The following GRIP1 variants were observed in gnomAD, a reference collection of about 807,000 sequenced individuals.
GRIP1 encodes glutamate receptor interacting protein 1.
A neutral mutation model predicts 129.9 loss-of-function variants in GRIP1; 45 were observed. That is an observed-to-expected ratio of 0.35 (90% CI 0.27 to 0.44). The LOEUF (loss-of-function observed/expected upper bound fraction) is 0.44, where lower values mean the gene tolerates loss of function less well. Ranked by LOEUF, GRIP1 falls within the 20% of genes least tolerant of loss-of-function variation. The pLI is 1.00. For missense variants in GRIP1, 1,196 were observed against 1,396.8 expected (o/e 0.86, Z 2.29); for synonymous variants, 530 against 520.8 (o/e 1.02, Z -0.24).
At chr12:66,634,530 C>T (rs2031164266) in intron 1 of GRIP1, among the ~76,000 whole-genome samples, 3 of 152,090 alleles carry the variant, frequency 2.0e-5, no homozygotes, top group South Asian at 2.1e-4. Context: ...AATTACTCTT[C>T]CTGAGACACA....
chr12:66,460,021 A>T (rs949094668), intron 9 of GRIP1, among the ~76,000 whole-genome samples: 1 of 152,218 alleles, frequency 6.6e-6, no homozygotes, highest in African/African-American at 2.4e-5. Flanking sequence ...GGATTAGCTC[A>T]GACAATGTTC....
chr12:66,533,658 C>T (rs1401045617), intron 4 of GRIP1, among the ~76,000 whole-genome samples: 1 of 151,794 alleles, frequency 6.6e-6, no homozygotes, highest in African/African-American at 2.4e-5. Context: ...AACAAACAAA[C>T]AAAAATACAT....
At chr12:66,632,524 A>C (rs1017429993) in intron 1 of GRIP1, among the ~76,000 whole-genome samples, 2 of 152,130 alleles carry the variant, frequency 1.3e-5, no homozygotes, top group African/African-American at 4.8e-5. Flanking sequence ...CCAAAAAGGA[A>C]GGTTTCTTCC....
At chr12:66,927,042 G>A (rs887651656) in intron 1 of GRIP1, among the ~76,000 whole-genome samples, 8 of 152,106 alleles carry the variant, frequency 5.3e-5, no homozygotes, top group East Asian at 1.9e-4. Flanking sequence ...GGGCTTCTAC[G>A]ACATAGACAC....
intron 1 of GRIP1, among the ~76,000 whole-genome samples, chr12:66,650,097 G>A (rs764529010): frequency 2.3e-4 from 35 of 152,256 alleles, no homozygotes; most frequent in Admixed American, 9.2e-4. Flanking sequence ...AGCCAGCACC[G>A]TCTCCACTGG....
At chr12:66,938,829 T>C (rs1411666013) in intron 1 of GRIP1, among the ~76,000 whole-genome samples, 1 of 151,788 alleles carries the variant, frequency 6.6e-6, no homozygotes, top group South Asian at 2.1e-4. Context: ...TGGTGGTGCA[T>C]GCCTGTAGTC....
rs190735445 is a variant in GRIP1, at chr12:66,771,997, G to A, written c.-420+32056C>T. Reference sequence around the variant, plus strand: ...TAATAAATATGGTGATAATAAAGGCGATAACTAAATAGCCAAGACTTATGG... The same window carrying A: ...TAATAAATATGGTGATAATAAAGGCAATAACTAAATAGCCAAGACTTATGG... On this transcript the variant is annotated intron_variant, in intron 1 of 4. Coordinates refer to the GRIP1 transcript ENST00000538373. Among the ~76,000 whole-genome samples the A allele has an allele frequency of 9.8e-5, 15 of 152,310 alleles. No homozygotes were observed. In the East Asian group the frequency reaches 2.3e-3, roughly 24 times the overall value.
chr12:66,892,582 T>TTA (rs3051168), intron 1 of GRIP1, among the ~76,000 whole-genome samples: 49,652 of 150,764 alleles, frequency 0.33, 8,480 homozygotes, highest in East Asian at 0.41. Context: ...ATTTACTCAC[T>TTA]TATATATATA....
At chr12:66,671,634 G>C (rs1211219052) in intron 1 of GRIP1, among the ~76,000 whole-genome samples, 1 of 152,150 alleles carries the variant, frequency 6.6e-6, no homozygotes, top group East Asian at 1.9e-4. Flanking sequence ...TGTGAAAACT[G>C]TTCTCTCAAA....
chr12:66,640,448 C>A (rs2031818871), intron 1 of GRIP1, among the ~76,000 whole-genome samples: 1 of 152,076 alleles, frequency 6.6e-6, no homozygotes, highest in African/African-American at 2.4e-5. Flanking sequence ...CTCAAAACTA[C>A]AAATAGATTA....
chr12:66,611,817 G>C (rs1221935770), intron 1 of GRIP1, among the ~76,000 whole-genome samples: 1 of 151,966 alleles, frequency 6.6e-6, no homozygotes, highest in Non-Finnish European at 1.5e-5. Context: ...ATACAACAGA[G>C]TGCATATATG....
chr12:66,972,719 C>T (rs1205018483), intron 1 of GRIP1, among the ~76,000 whole-genome samples: 1 of 152,168 alleles, frequency 6.6e-6, no homozygotes, highest in Non-Finnish European at 1.5e-5. Flanking sequence ...GTGAAATGCT[C>T]TAACTATTGT....
chr12:67,036,404 T>C (rs2043096082), intron 1 of GRIP1, among the ~76,000 whole-genome samples: 1 of 151,970 alleles, frequency 6.6e-6, no homozygotes, highest in South Asian at 2.1e-4. Context: ...CTCGGCTCAC[T>C]GCAACCTCTG....
At chr12:67,020,989 T>C (rs1294267709) in intron 1 of GRIP1, among the ~76,000 whole-genome samples, 1 of 152,004 alleles carries the variant, frequency 6.6e-6, no homozygotes, top group East Asian at 2.0e-4. Flanking sequence ...TCCCAGATAC[T>C]CTGGGAGCTG....
intron 1 of GRIP1, among the ~76,000 whole-genome samples, chr12:67,068,542 CTTCT>C (rs1415371969): frequency 2.0e-5 from 3 of 152,096 alleles, no homozygotes; most frequent in Admixed American, 2.0e-4. Context: ...TCTCCTCTTC[CTTCT>C]TTATGAATCT....
chr12:66,803,324 G>T (rs1458504985), intron 1 of GRIP1, among the ~76,000 whole-genome samples: 2 of 152,176 alleles, frequency 1.3e-5, no homozygotes. Context: ...GTGCATAGCT[G>T]CTTTCTCTCT....
At chr12:66,798,550 G>T (rs531848396) in intron 1 of GRIP1, among the ~76,000 whole-genome samples, 5 of 152,268 alleles carry the variant, frequency 3.3e-5, no homozygotes, top group African/African-American at 1.2e-4. Context: ...ATGAAAGCTG[G>T]ATGTCCATAT....
chr12:66,373,321 T>G (rs2055621030), intron 22 of GRIP1, among the ~76,000 whole-genome samples: 1 of 152,156 alleles, frequency 6.6e-6, no homozygotes, highest in African/African-American at 2.4e-5. Context: ...ACTCCTGACC[T>G]CAAGTGACCC....
At chr12:66,844,214 T>C (rs2039772723) in intron 1 of GRIP1, among the ~76,000 whole-genome samples, 1 of 152,148 alleles carries the variant, frequency 6.6e-6, no homozygotes, top group African/African-American at 2.4e-5. Context: ...CACTACTTAT[T>C]ACCCAGAATA....
Sources: gnomAD v4.1 joint callset for allele counts (sites outside exome capture counted in the v4.1 genomes callset) on GRCh38, gnomAD v4.1.1 for gene constraint, MANE v1.5 for transcripts, NCBI Gene and HGNC (gene_info 2026-07-23, HGNC 2026-07-21) for gene names.